The following NOS1 variants were observed in gnomAD, a reference collection of about 807,000 sequenced individuals.
The protein encoded by NOS1 is NOS type I.
A neutral mutation model predicts 164.5 loss-of-function variants in NOS1; 51 were observed. That is an observed-to-expected ratio of 0.31 (90% CI 0.25 to 0.39). The LOEUF (loss-of-function observed/expected upper bound fraction) is 0.39. Among genes scored for constraint, NOS1 ranks in the 10% least tolerant of loss-of-function variants. NOS1 has a pLI of 1.00. For synonymous variants in NOS1, 719 were observed against 745.8 expected (o/e 0.96, Z 0.59); for missense variants, 1,362 against 1,885.6 (o/e 0.72, Z 5.14).
At chr12:117,332,541 AC>A (rs1452960728) in intron 1 of NOS1, among the ~76,000 whole-genome samples, 1 of 152,118 alleles carries the variant, frequency 6.6e-6, no homozygotes, top group African/African-American at 2.4e-5. Flanking sequence ...AGCCTGGGCA[AC>A]ATAGCAAGAC....
chr12:117,282,139 A>C (rs1873725421), intron 7 of NOS1, among the ~76,000 whole-genome samples: 1 of 152,104 alleles, frequency 6.6e-6, no homozygotes, highest in African/African-American at 2.4e-5. Context: ...GTTAAAAGGG[A>C]GATCAGCAAG....
rs754462480 is a variant in NOS1 at position 117,247,371 on chromosome 12, T to C, written c.2800A>G (p.Thr934Ala). Residue 934 changes from threonine to alanine, a missense_variant, in exon 18 of 29, where the codon ACC becomes GCC. Thr to Ala is a moderately conservative substitution (Grantham distance 58, BLOSUM62 0). This residue lies in a region of NOS1 where 737 missense variants were observed against 1,030.3 expected (regional missense o/e 0.72). Coordinates refer to ENST00000317775, the MANE Select transcript of NOS1 (RefSeq NM_000620.5). ...ELCGQEEAFR[T>A]WAKKVFKAAC... Reference sequence around the variant, plus strand: ...ACCTTGAAGACCTTCTTGGCCCAGGTCCTGAAAGCCTCTTCCTGCCCACAG... The same window carrying C: ...ACCTTGAAGACCTTCTTGGCCCAGGCCCTGAAAGCCTCTTCCTGCCCACAG... 6.2e-7 allele frequency: 1 copy of C among 1,604,882 alleles called. No homozygotes were observed. The highest frequency in any genetic ancestry group is 1.7e-5 in the Admixed American group (1 of 57,950).
At chr12:117,218,330 C>G (rs1956643943) in intron 27 of NOS1, among the ~76,000 whole-genome samples, 166 bp from the exon 28 acceptor site, 1 of 152,142 alleles carries the variant, frequency 6.6e-6, no homozygotes, top group African/African-American at 2.4e-5. Flanking sequence ...CTCGAAGACT[C>G]TGCTCAGCAA....
At chr12:117,250,085 G>A (rs1243066998) in intron 17 of NOS1, among the ~76,000 whole-genome samples, 1 of 152,116 alleles carries the variant, frequency 6.6e-6, no homozygotes, top group African/African-American at 2.4e-5. Flanking sequence ...AACAGATTGA[G>A]ATGGGAAGGA....
At position 117,213,252 on chromosome 12, in the gene NOS1, C is replaced by T. The variant is rs1275993461; in HGVS notation, c.*2057G>A. 9 of 985,256 alleles carry T rather than the reference C, an allele frequency of 9.1e-6. No individual in the cohort carries two copies. The highest frequency in any genetic ancestry group is 1.7e-5 in the African/African-American group (1 of 57,216). The allele number at this position is 985,256 out of a possible 1,614,324, so 61.0% of individuals were successfully genotyped here. A position where few individuals can be genotyped will look rare whatever the true frequency, so the allele number is the denominator to read the frequency against. On this transcript the variant is annotated 3_prime_UTR_variant, in exon 29 of 29. Coordinates refer to ENST00000317775, the MANE Select transcript of NOS1 (RefSeq NM_000620.5). ...CCCTGGGGAATTGGGGAGGCGTCTCCAAAGCTATAAAGGATTGGAAAGAAA... is the reference window on the plus strand; with the variant it reads ...CCCTGGGGAATTGGGGAGGCGTCTCTAAAGCTATAAAGGATTGGAAAGAAA...
At chr12:117,297,628 G>T (rs1411102879) in intron 3 of NOS1, among the ~76,000 whole-genome samples, 1 of 152,088 alleles carries the variant, frequency 6.6e-6, no homozygotes, top group Non-Finnish European at 1.5e-5. Flanking sequence ...CCGACCTCAG[G>T]TATCCGCCTG....
At chr12:117,302,366 G>A (rs569607890) in intron 3 of NOS1, among the ~76,000 whole-genome samples, 7 of 152,144 alleles carry the variant, frequency 4.6e-5, no homozygotes, top group Middle Eastern at 3.4e-3. Flanking sequence ...AGGCCGAGGC[G>A]GGCGGATCAT....
chr12:117,325,215 T>C (rs1310617563), intron 2 of NOS1, among the ~76,000 whole-genome samples: 1 of 152,130 alleles, frequency 6.6e-6, no homozygotes, highest in Non-Finnish European at 1.5e-5. Flanking sequence ...GCAGCCTGGA[T>C]GGAGAGGTCA....
rs369224010 is a variant in NOS1, at chr12:117,330,605, G to C, written c.465C>G (p.Pro155=). The C allele has an allele frequency of 1.9e-6, 3 of 1,611,620 alleles. No individual in the cohort carries two copies. In the African/African-American group the frequency reaches 4.0e-5, roughly 22 times the overall value. The part of the protein sequence containing the change: ...QPLAVDGASG[P]GNGPQHAYDD... ...CGTAGGCATGCTGAGGCCCATTCCC[G>C]GGACCCGAGGCCCCATCCACTGCCA... The change falls in exon 2 of 29, where the codon CCC becomes CCG. Residue 155 remains proline (P), a synonymous_variant. Transcript: ENST00000317775. This position sits in a 1 kb window ranked among gnomAD's most constrained non-coding sequence, Gnocchi z 4.6.
chr12:117,225,552 T>C (rs1868595513), intron 24 of NOS1, among the ~76,000 whole-genome samples: 1 of 152,068 alleles, frequency 6.6e-6, no homozygotes, highest in Admixed American at 6.6e-5. Context: ...TCTCCAGACA[T>C]TGTCAAATGT....
In NOS1 at chr12:117,277,149, T is replaced by A. The variant is rs553690425; in HGVS notation, c.1664+810A>T. 7.2e-5 allele frequency among the ~76,000 whole-genome samples: 11 copies of A among 152,282 alleles called. No homozygotes were observed. In the South Asian group the frequency reaches 1.5e-3, roughly 20 times the overall value. The stretch of plus-strand genomic sequence containing the variant: ...TCTCTACATCTTCACCAGCGTTTGT[T>A]ATTGCCTGTCTTTCGGATAAGCCAT... On this transcript the variant is annotated intron_variant, in intron 9 of 28. Coordinates refer to ENST00000317775, the MANE Select transcript of NOS1 (RefSeq NM_000620.5).
chr12:117,311,832 T>G (rs1229687069), intron 2 of NOS1, among the ~76,000 whole-genome samples: 1 of 152,336 alleles, frequency 6.6e-6, no homozygotes, highest in East Asian at 1.9e-4. Flanking sequence ...TGACAGCTGA[T>G]GTATCCCTAA....
At chr12:117,217,068 G>A (rs1956623271) in intron 28 of NOS1, among the ~76,000 whole-genome samples, 1 of 152,176 alleles carries the variant, frequency 6.6e-6, no homozygotes, top group East Asian at 1.9e-4. Context: ...CCATGCCATA[G>A]AATTCAAGTA....
At chr12:117,277,353 G>A (rs1441112937) in intron 9 of NOS1, among the ~76,000 whole-genome samples, 1 of 152,046 alleles carries the variant, frequency 6.6e-6, no homozygotes, top group Non-Finnish European at 1.5e-5. Flanking sequence ...GGGAGGCTGA[G>A]GTGGGAGGAT....
intron 9 of NOS1, among the ~76,000 whole-genome samples, chr12:117,274,892 C>T (rs145100438): frequency 2.1e-4 from 31 of 150,790 alleles, no homozygotes; most frequent in African/African-American, 5.1e-4. Context: ...TGTCTAACAA[C>T]GGATGAATGG....
chr12:117,281,711 G>A (rs1003486292), intron 7 of NOS1, among the ~76,000 whole-genome samples: 4 of 150,810 alleles, frequency 2.7e-5, no homozygotes, highest in Non-Finnish European at 5.9e-5. Context: ...GGGGGTGCCT[G>A]TAGTCCCAGC....
intron 1 of NOS1, among the ~76,000 whole-genome samples, chr12:117,360,713 T>C (rs536621394): frequency 6.6e-6 from 1 of 152,274 alleles, no homozygotes; most frequent in African/African-American, 2.4e-5. Context: ...GACTCCGCCA[T>C]TACCTGCGGC....
At chr12:117,231,438 C>A (rs1476996958) in intron 22 of NOS1, among the ~76,000 whole-genome samples, 1 of 151,884 alleles carries the variant, frequency 6.6e-6, no homozygotes, top group Non-Finnish European at 1.5e-5. Context: ...ATGTTCCCAA[C>A]ACAAAGAAAT....
intron 16 of NOS1, chr12:117,255,858 G>T: frequency 1.2e-6 from 1 of 824,248 alleles, no homozygotes; most frequent in Non-Finnish European, 1.8e-6. Flanking sequence ...ACCTAGATGT[G>T]TGGCCTGGGA....
Sources: gnomAD v4.1 joint callset for allele counts (sites outside exome capture counted in the v4.1 genomes callset) on GRCh38, gnomAD v4.1.1 for gene constraint, gnomAD v4.1.1 regional missense constraint, Gnocchi (gnomAD v3.1) non-coding constraint, MANE v1.5 for transcripts, NCBI Gene and HGNC (gene_info 2026-07-23, HGNC 2026-07-21) for gene names.